DOCK8: variants seen among roughly 807,000 people sequenced by gnomAD.
The protein encoded by DOCK8 is dedicator of cytokinesis 8, also known as dedicator of cytokinesis protein 8.
DOCK8 carries 141 observed loss-of-function variants against 245.6 expected under a neutral mutation model. The observed-to-expected ratio is 0.57, with a 90% CI of 0.50 to 0.66. The LOEUF (loss-of-function observed/expected upper bound fraction) is 0.66, where lower values mean the gene tolerates loss of function less well. DOCK8 is among the 30% of genes least tolerant of loss of function. The pLI is 0.00. For missense variants in DOCK8, 2,965 were observed against 2,603.4 expected, an observed-to-expected ratio of 1.14 and a Z score of -3.02; for synonymous variants, 1,168 against 970.2, an observed-to-expected ratio of 1.20 and a Z score of -3.79.
chr9:434,422 G>A (rs1399760552), intron 38 of DOCK8, among the ~76,000 whole-genome samples: 1 of 152,134 alleles, frequency 6.6e-6, no homozygotes, highest in African/African-American at 2.4e-5. Flanking sequence ...TTGTTCTGAT[G>A]CAACATCATA....
At chr9:405,774 G>GA (rs945312038) in intron 27 of DOCK8, among the ~76,000 whole-genome samples, 3 of 151,238 alleles carry the variant, frequency 2.0e-5, no homozygotes, top group South Asian at 2.1e-4. Flanking sequence ...CTTACTAATT[G>GA]AAAAAAAAAT....
At chr9:382,050 G>A (rs145325472) in intron 21 of DOCK8, among the ~76,000 whole-genome samples, 1 of 152,070 alleles carries the variant, frequency 6.6e-6, no homozygotes, top group Non-Finnish European at 1.5e-5. Flanking sequence ...AAACAGTGCT[G>A]TATACATCAT....
intron 24 of DOCK8, among the ~76,000 whole-genome samples, chr9:393,895 T>G (rs1368721853): frequency 6.6e-6 from 1 of 152,128 alleles, no homozygotes; most frequent in Non-Finnish European, 1.5e-5. Context: ...CAGGGGCCAA[T>G]GAGGATTGGT....
intron 1 of DOCK8, among the ~76,000 whole-genome samples, chr9:232,320 A>G (rs199507214): frequency 2.0e-5 from 3 of 152,090 alleles, no homozygotes; most frequent in African/African-American, 4.8e-5. Flanking sequence ...GAGTATTTTT[A>G]CATCAATGTT....
chr9:302,352 G>A (rs914478774), intron 4 of DOCK8, among the ~76,000 whole-genome samples: 1 of 152,122 alleles, frequency 6.6e-6, no homozygotes, highest in South Asian at 2.1e-4. Flanking sequence ...ATTAACTCAA[G>A]ATGGATTAAG....
At chr9:400,348 ACCACCT>A (rs1469783170) in intron 26 of DOCK8, among the ~76,000 whole-genome samples, 6 of 94,370 alleles carry the variant, frequency 6.4e-5, no homozygotes, top group Non-Finnish European at 8.5e-5. Context: ...CTCCACCACC[ACCACCT>A]CCTCCACCAT....
rs1447502172 is a variant in DOCK8, at chr9:400,208, C to T, written c.3234+949C>T. The stretch of plus-strand genomic sequence containing the variant: ...TCCTTCACCATCACCATCACCACCA[C>T]CTCCACTATCACCACCACCTCCACC... On this transcript the variant is annotated intron_variant, in intron 26 of 47. Coordinates refer to ENST00000432829, the MANE Select transcript of DOCK8 (RefSeq NM_203447.4). Among the ~76,000 whole-genome samples the T allele has an allele frequency of 4.8e-5, 6 of 124,346 alleles. No homozygotes were observed. In the Admixed American group the frequency reaches 4.8e-4, roughly 10 times the overall value. The allele number at this position is 124,346 out of a possible 152,430, so 81.6% of individuals were successfully genotyped here.
intron 28 of DOCK8, among the ~76,000 whole-genome samples, chr9:413,433 G>C (rs1437718476): frequency 6.6e-6 from 1 of 152,032 alleles, no homozygotes; most frequent in Non-Finnish European, 1.5e-5. Context: ...TAAAACTTTT[G>C]TGATTTATAG....
intron 14 of DOCK8, among the ~76,000 whole-genome samples, chr9:359,514 AATG>A (rs1391739034): frequency 3.9e-5 from 6 of 152,226 alleles, no homozygotes; most frequent in Non-Finnish European, 8.8e-5. Context: ...GTGAAATATG[AATG>A]ATAAAATCAT....
At chr9:292,655 T>TA (rs5895838) in intron 4 of DOCK8, among the ~76,000 whole-genome samples, 137,949 of 151,648 alleles carry the variant, frequency 0.91, 62,808 homozygotes, top group Admixed American at 0.93. Flanking sequence ...ATAAGCACTT[T>TA]TTTGGTAAAG....
chr9:220,745 C>G, intron 1 of DOCK8: 1 of 381,092 alleles, frequency 2.6e-6, no homozygotes, highest in Admixed American at 3.4e-5. Flanking sequence ...TTTTTTGAGA[C>G]AGTCATGCTC....
chr9:215,216 C>T (rs1278340656), intron 1 of DOCK8, 187 bp downstream of exon 1: 3 of 1,541,732 alleles, frequency 1.9e-6, no homozygotes, highest in South Asian at 2.4e-5. Context: ...GCGGCTCCTG[C>T]GCTGGGCCCG....
intron 30 of DOCK8, 47 bp downstream of exon 30, chr9:418,254 C>T (rs1349918174): frequency 6.2e-7 from 1 of 1,610,630 alleles, no homozygotes; most frequent in African/African-American, 1.3e-5. Context: ...TTCATGTCTT[C>T]TGTCTTCTGT....
At chr9:376,813 A>G (rs900754559) in intron 19 of DOCK8, among the ~76,000 whole-genome samples, 164 bp from the exon 20 acceptor site, 3 of 152,192 alleles carry the variant, frequency 2.0e-5, no homozygotes, top group African/African-American at 4.8e-5. Context: ...ACATTCTACA[A>G]AGAAGTTCAT....
At chr9:382,463 G>C in intron 21 of DOCK8, 50 bp from the exon 22 acceptor site, 3 of 1,610,948 alleles carry the variant, frequency 1.9e-6, no homozygotes, top group Non-Finnish European at 2.5e-6. Flanking sequence ...AACTCAGTAA[G>C]TAACTCTGTT....
At chr9:461,675 G>C (rs896532767) in intron 46 of DOCK8, among the ~76,000 whole-genome samples, 1 of 151,494 alleles carries the variant, frequency 6.6e-6, no homozygotes, top group African/African-American at 2.4e-5. Context: ...CCAAATAGCT[G>C]GGACTGCAGT....
At chr9:405,189 C>G in intron 27 of DOCK8, 116 bp downstream of exon 27, 2 of 1,063,160 alleles carry the variant, frequency 1.9e-6, no homozygotes, top group Non-Finnish European at 2.8e-6. Flanking sequence ...AAAAATCAAA[C>G]AATTCAAACC....
intron 14 of DOCK8, among the ~76,000 whole-genome samples, chr9:362,535 G>A (rs1344496342): frequency 1.3e-5 from 2 of 152,110 alleles, no homozygotes; most frequent in Non-Finnish European, 2.9e-5. Flanking sequence ...GTTGACACTG[G>A]AGCTCAGCAG....
chr9:350,074 T>G (rs898605184), intron 14 of DOCK8, among the ~76,000 whole-genome samples: 2 of 152,306 alleles, frequency 1.3e-5, no homozygotes, highest in Non-Finnish European at 2.9e-5. Flanking sequence ...CAAGTTCGGC[T>G]CATCGCAAAC....
Sources: gnomAD v4.1 joint callset for allele counts (sites outside exome capture counted in the v4.1 genomes callset) on GRCh38, gnomAD v4.1.1 for gene constraint, MANE v1.5 for transcripts, NCBI Gene and HGNC (gene_info 2026-07-23, HGNC 2026-07-21) for gene names.